Variants in POU2F2 observed in about 807,000 individuals in gnomAD.
The protein encoded by POU2F2 is POU domain, class 2, transcription factor 2.
In POU2F2, 14 loss-of-function variants were observed where a neutral mutation model predicts 63.5. The observed-to-expected ratio is 0.22, with a 90% CI of 0.15 to 0.34. POU2F2 has a LOEUF of 0.34. Among genes scored for constraint, POU2F2 ranks in the 10% least tolerant of loss-of-function variants. The pLI is 1.00. For synonymous variants in POU2F2, 306 were observed against 348.6 expected (o/e 0.88, Z 1.36); for missense variants, 607 against 815.2 (o/e 0.74, Z 3.11).
chr19:42,129,543 C>T (rs1329413117), intron 1 of POU2F2, among the ~76,000 whole-genome samples: 3 of 152,210 alleles, frequency 2.0e-5, no homozygotes, highest in African/African-American at 4.8e-5. Context: ...TTACCGAAAA[C>T]GGGGCTAAAT....
chr19:42,129,725 C>A (rs1465995835), intron 1 of POU2F2, among the ~76,000 whole-genome samples: 5 of 152,210 alleles, frequency 3.3e-5, no homozygotes, highest in Non-Finnish European at 7.3e-5. Context: ...CCCGTCCTCC[C>A]CAGAAGCAGC....
chr19:42,187,981 A>T, intron 1 of POU2F2, among the ~76,000 whole-genome samples: 1 of 152,002 alleles, frequency 6.6e-6, no homozygotes, highest in Non-Finnish European at 1.5e-5. Context: ...TGACTTTTTT[A>T]AATCATTCTA....
rs1338001861 is a variant in POU2F2, at chr19:42,095,328, C to T, written c.1155G>A (p.Met385Ile). The T allele has an allele frequency of 1.2e-6, 2 of 1,613,754 alleles. No individual in the cohort carries two copies. Among genetic ancestry groups the T allele is most frequent in the Non-Finnish European group, 1.7e-6 (2 of 1,179,952 alleles). The part of the protein sequence containing the change: ...KRINPCSAAP[M>I]LPSPGKPASY... ...TGGCCGGCTTCCCTGGGCTGGGCAG[C>T]ATGGGGGCCGCACTGCAGGGGTTGA... Residue 385 changes from methionine (M) to isoleucine (I), a missense_variant, in exon 11 of 15, where the codon ATG (methionine) becomes ATA (isoleucine). This residue lies in a region of POU2F2 where 12 missense variants were observed against 18.4 expected (regional missense o/e 0.65). Coordinates refer to ENST00000692977, the MANE Select transcript of POU2F2 (RefSeq NM_001394376.1). The surrounding 1 kb of genome is among the most constrained non-coding windows in gnomAD (Gnocchi z 7.1).
At chr19:42,139,589 G>A (rs781610183) in intron 2 of POU2F2, among the ~76,000 whole-genome samples, 4 of 151,988 alleles carry the variant, frequency 2.6e-5, no homozygotes, top group Admixed American at 1.3e-4. Context: ...ACAACCATGC[G>A]CCACCATGCC....
At chr19:42,106,770 G>A (rs2030096912) in intron 5 of POU2F2, among the ~76,000 whole-genome samples, 1 of 146,204 alleles carries the variant, frequency 6.8e-6, no homozygotes, top group African/African-American at 2.5e-5. Flanking sequence ...CAAGAAGGAG[G>A]AAGAGGAGAA....
At chr19:42,167,970 C>T (rs2034686234) in intron 1 of POU2F2, among the ~76,000 whole-genome samples, 1 of 152,212 alleles carries the variant, frequency 6.6e-6, no homozygotes, top group African/African-American at 2.4e-5. Flanking sequence ...GGGCATGCAG[C>T]TCAGGCCTGG....
upstream of POU2F2, among the ~76,000 whole-genome samples, chr19:42,176,383 G>A (rs187279263): frequency 7.9e-5 from 12 of 152,150 alleles, no homozygotes; most frequent in East Asian, 1.5e-3. Flanking sequence ...CAGCAGCGGC[G>A]AAGCGCCCAC....
chr19:42,146,403 C>T (rs1232704202), intron 2 of POU2F2, among the ~76,000 whole-genome samples: 4 of 152,226 alleles, frequency 2.6e-5, no homozygotes, highest in East Asian at 1.9e-4. Flanking sequence ...CTCCCATCCC[C>T]GTCCCCAGTT....
At chr19:42,179,416 A>C (rs562633076), upstream of POU2F2, among the ~76,000 whole-genome samples, 6 of 151,956 alleles carry the variant, frequency 3.9e-5, no homozygotes, top group Admixed American at 3.3e-4. Flanking sequence ...GGGAGGGTGC[A>C]TGGCTCCCGC....
chr19:42,177,600 G>A (rs1044460026), upstream of POU2F2, among the ~76,000 whole-genome samples: 1 of 151,944 alleles, frequency 6.6e-6, no homozygotes, highest in Non-Finnish European at 1.5e-5. Flanking sequence ...AAGGGGACAC[G>A]GAGACAAGGA....
chr19:42,097,754 G>A (rs1208595989), intron 7 of POU2F2, among the ~76,000 whole-genome samples: 2 of 152,142 alleles, frequency 1.3e-5, no homozygotes, highest in East Asian at 3.9e-4. Flanking sequence ...GCTGCAGTAA[G>A]CTGTGATCAC....
At chr19:42,143,722 C>T (rs2034174919) in intron 2 of POU2F2, among the ~76,000 whole-genome samples, 1 of 152,188 alleles carries the variant, frequency 6.6e-6, no homozygotes, top group African/African-American at 2.4e-5. Context: ...GCAATCCACG[C>T]CCGCGCTTCT....
At chr19:42,142,334 GC>G (rs2034144712) in intron 2 of POU2F2, among the ~76,000 whole-genome samples, 1 of 152,042 alleles carries the variant, frequency 6.6e-6, no homozygotes, top group Non-Finnish European at 1.5e-5. Context: ...GGGATTACAG[GC>G]ACGTGCCACC....
intron 1 of POU2F2, among the ~76,000 whole-genome samples, chr19:42,193,239 G>T (rs1180974410): frequency 1.3e-5 from 2 of 150,604 alleles, no homozygotes; most frequent in Non-Finnish European, 3.0e-5. Context: ...AAAAAAAAGA[G>T]GAAAGAAAAA....
intron 1 of POU2F2, 128 bp from the exon 2 acceptor site, chr19:42,122,704 G>C: frequency 1.2e-6 from 1 of 838,750 alleles, no homozygotes; most frequent in Non-Finnish European, 1.8e-6. Flanking sequence ...CACCTTGGAA[G>C]TGTCTCTTCC....
chr19:42,166,049 T>C (rs994098541), intron 1 of POU2F2, among the ~76,000 whole-genome samples: 6 of 152,076 alleles, frequency 3.9e-5, no homozygotes, highest in Non-Finnish European at 8.8e-5. Context: ...TCCCATTAGG[T>C]TGGTAAAGGG....
chr19:42,177,875 GC>G (rs1403414041), upstream of POU2F2, among the ~76,000 whole-genome samples: 1 of 151,532 alleles, frequency 6.6e-6, no homozygotes, highest in African/African-American at 2.4e-5. Flanking sequence ...AGATGCAGAG[GC>G]AGAGAAAGAC....
intron 5 of POU2F2, among the ~76,000 whole-genome samples, chr19:42,103,782 G>A (rs1262924847): frequency 2.0e-5 from 3 of 151,912 alleles, no homozygotes; most frequent in Middle Eastern, 3.4e-3. Context: ...ACAGGCGCCC[G>A]CCACCACGCC....
At position 42,155,183 on chromosome 19, in the gene POU2F2, C is replaced by A. The variant is rs1223787596; in HGVS notation, c.-9+5149G>T. On this transcript the variant is annotated intron_variant, in intron 2 of 6. Coordinates refer to the POU2F2 transcript ENST00000524801. This position sits in a 1 kb window ranked among gnomAD's most constrained non-coding sequence, Gnocchi z 4.2. ...TTCTCATTGTCCCCTGCCTTCAGCC[C>A]GGCTGCCTTCATCTTTCTCTGATGC... 6.6e-6 allele frequency among the ~76,000 whole-genome samples: 1 copy of A among 152,222 alleles called. No individual in the cohort carries two copies. Among genetic ancestry groups the A allele is most frequent in the African/African-American group, 2.4e-5 (1 of 41,456 alleles).
Sources: allele counts gnomAD v4.1 joint callset (sites outside exome capture counted in the v4.1 genomes callset), GRCh38; gene constraint gnomAD v4.1.1; regional missense constraint gnomAD v4.1.1; non-coding constraint Gnocchi (gnomAD v3.1); transcripts MANE v1.5; gene names NCBI Gene and HGNC (gene_info 2026-07-23, HGNC 2026-07-21).